The following NBEA variants were observed in gnomAD, a reference collection of about 807,000 sequenced individuals.
NBEA encodes the protein neurobeachin.
A neutral mutation model predicts 343.4 loss-of-function variants in NBEA; 44 were observed. That is an observed-to-expected ratio of 0.13 (90% CI 0.10 to 0.16). The LOEUF (loss-of-function observed/expected upper bound fraction) is 0.16, where lower values mean the gene tolerates loss of function less well. Among genes scored for constraint, NBEA ranks in the 10% least tolerant of loss-of-function variants. The pLI is 1.00. For synonymous variants in NBEA, 1,175 were observed against 1,238.7 expected, an observed-to-expected ratio of 0.95 and a Z score of 1.08; for missense variants, 2,555 against 3,631.3, an observed-to-expected ratio of 0.70 and a Z score of 7.62.
intron 48 of NBEA, among the ~76,000 whole-genome samples, chr13:35,612,703 A>G (rs1317794963): frequency 6.6e-6 from 1 of 152,170 alleles, no homozygotes; most frequent in Non-Finnish European, 1.5e-5. Context: ...TTTTGAATGT[A>G]GGAAAAGCTA....
intron 48 of NBEA, among the ~76,000 whole-genome samples, chr13:35,607,109 G>A (rs76773130): frequency 2.6e-4 from 40 of 152,232 alleles, no homozygotes; most frequent in African/African-American, 8.7e-4. Context: ...GAGTGAAGTG[G>A]TGCAATCATA....
At chr13:35,083,146 G>A (rs1326426422) in intron 10 of NBEA, among the ~76,000 whole-genome samples, 2 of 152,172 alleles carry the variant, frequency 1.3e-5, no homozygotes, top group African/African-American at 4.8e-5. Context: ...TGGCTAGCCA[G>A]TTTTCCCAGC....
intron 1 of NBEA, among the ~76,000 whole-genome samples, chr13:34,997,337 A>G (rs946580771): frequency 6.6e-6 from 1 of 152,108 alleles, no homozygotes; most frequent in African/African-American, 2.4e-5. Flanking sequence ...CCATGAGGGA[A>G]CAATTCGAAT....
At chr13:35,365,520 T>C (rs1027919922) in intron 38 of NBEA, among the ~76,000 whole-genome samples, 9 of 151,610 alleles carry the variant, frequency 5.9e-5, no homozygotes, top group Non-Finnish European at 1.3e-4. Flanking sequence ...AACCAAAAAA[T>C]GTTTTTCAAA....
intron 46 of NBEA, among the ~76,000 whole-genome samples, chr13:35,587,319 T>TTAGTC (rs2081335351): frequency 6.6e-6 from 1 of 152,208 alleles, no homozygotes; most frequent in African/African-American, 2.4e-5. Flanking sequence ...GTTCATCAGG[T>TTAGTC]TAGTCCACAT....
chr13:34,996,480 G>GTA (rs34258848), intron 1 of NBEA, among the ~76,000 whole-genome samples: 21 of 151,790 alleles, frequency 1.4e-4, no homozygotes, highest in Admixed American at 2.0e-4. Flanking sequence ...GTGTGTGTGT[G>GTA]TATATATATA....
intron 34 of NBEA, among the ~76,000 whole-genome samples, chr13:35,269,339 AT>A (rs1284555066): frequency 1.3e-5 from 2 of 152,184 alleles, no homozygotes; most frequent in African/African-American, 4.8e-5. Context: ...ACTAATTGGT[AT>A]CTAGGAAAAA....
chr13:35,073,848 A>G (rs2063988772), intron 10 of NBEA, among the ~76,000 whole-genome samples: 1 of 152,124 alleles, frequency 6.6e-6, no homozygotes, highest in African/African-American at 2.4e-5. Flanking sequence ...AGGCTGAGGT[A>G]GGAGGATCAC....
At chr13:35,215,563 A>G (rs1357883522) in intron 33 of NBEA, among the ~76,000 whole-genome samples, 2 of 151,704 alleles carry the variant, frequency 1.3e-5, no homozygotes, top group Non-Finnish European at 3.0e-5. Flanking sequence ...TTTTACCTCA[A>G]TAAAACTGAA....
chr13:35,034,699 C>T (rs1298895900), intron 1 of NBEA, among the ~76,000 whole-genome samples: 3 of 151,798 alleles, frequency 2.0e-5, no homozygotes, highest in Admixed American at 6.6e-5. Context: ...ATTACAACTT[C>T]AGTCTTGTAG....
At chr13:35,432,446 T>G in intron 39 of NBEA, 53 bp downstream of exon 39, 1 of 1,464,824 alleles carries the variant, frequency 6.8e-7, no homozygotes, top group Non-Finnish European at 9.1e-7. Context: ...AGGTGACTCC[T>G]TGTGTTTGAG....
intron 1 of NBEA, among the ~76,000 whole-genome samples, chr13:35,000,484 A>G (rs2061091179): frequency 6.6e-6 from 1 of 151,938 alleles, no homozygotes; most frequent in African/African-American, 2.4e-5. Context: ...ACAATTTACT[A>G]AGCATTTATA....
intron 34 of NBEA, among the ~76,000 whole-genome samples, chr13:35,244,229 T>G (rs1470831429): frequency 1.3e-5 from 2 of 151,850 alleles, no homozygotes; most frequent in Admixed American, 6.6e-5. Flanking sequence ...CATAAACACT[T>G]AGAAATAAAA....
chr13:35,219,218 C>T (rs2074231327), intron 33 of NBEA, among the ~76,000 whole-genome samples: 1 of 152,090 alleles, frequency 6.6e-6, no homozygotes, highest in African/African-American at 2.4e-5. Flanking sequence ...TCCTTGCCTT[C>T]CTTGCCTTCC....
chr13:35,447,697 C>G (rs1223046947), intron 39 of NBEA, among the ~76,000 whole-genome samples: 1 of 152,052 alleles, frequency 6.6e-6, no homozygotes, highest in Non-Finnish European at 1.5e-5. Context: ...TCCTACCCAG[C>G]TTTACACATA....
intron 40 of NBEA, among the ~76,000 whole-genome samples, chr13:35,455,998 C>T (rs1360566767): frequency 6.6e-6 from 1 of 151,960 alleles, no homozygotes; most frequent in Non-Finnish European, 1.5e-5. Context: ...TCAATTTTTA[C>T]ACTGGTTCCA....
At chr13:35,443,627 A>C (rs2152938842) in intron 39 of NBEA, among the ~76,000 whole-genome samples, 1 of 152,100 alleles carries the variant, frequency 6.6e-6, no homozygotes, top group South Asian at 2.1e-4. Flanking sequence ...CCTAAAATGT[A>C]TTTGGAACAA....
chr13:35,619,499 C>A (rs995872260), intron 48 of NBEA, among the ~76,000 whole-genome samples: 1 of 152,080 alleles, frequency 6.6e-6, no homozygotes, highest in Admixed American at 6.6e-5. Flanking sequence ...TTTAACACTC[C>A]CCCACCCAAC....
intron 6 of NBEA, among the ~76,000 whole-genome samples, chr13:35,050,720 T>A (rs964796323): frequency 5.3e-5 from 8 of 152,040 alleles, no homozygotes; most frequent in Admixed American, 2.0e-4. Context: ...ATATTTGCCT[T>A]TTTTTAAAAA....
Sources: allele counts gnomAD v4.1 joint callset (sites outside exome capture counted in the v4.1 genomes callset), GRCh38; gene constraint gnomAD v4.1.1; transcripts MANE v1.5; gene names NCBI Gene and HGNC (gene_info 2026-07-23, HGNC 2026-07-21).